The following PPP1CB variants were observed in gnomAD, a reference collection of about 807,000 sequenced individuals.
The protein encoded by PPP1CB is serine/threonine-protein phosphatase PP1-beta catalytic subunit.
A neutral mutation model predicts 43.7 loss-of-function variants in PPP1CB; 2 were observed. That is an observed-to-expected ratio of 0.05 (90% CI 0.02 to 0.14). PPP1CB has a LOEUF of 0.14. PPP1CB is among the 10% of genes least tolerant of loss of function. The pLI, the probability that PPP1CB is intolerant of heterozygous loss-of-function variation, is 1.00. For synonymous variants in PPP1CB, 136 were observed against 135.6 expected (o/e 1.00, Z -0.02); for missense variants, 84 against 398.0 (o/e 0.21, Z 6.71).
chr2:28,795,509 C>T (rs565869239), intron 7 of PPP1CB, among the ~76,000 whole-genome samples: 2 of 152,244 alleles, frequency 1.3e-5, no homozygotes, highest in East Asian at 3.9e-4. Context: ...TTATTAATGG[C>T]CATTCTGACT....
intron 5 of PPP1CB, 135 bp downstream of exon 5, chr2:28,784,113 A>T: frequency 1.7e-6 from 1 of 582,892 alleles, no homozygotes. Context: ...CCAGCTACAG[A>T]TTACTTTATT....
At chr2:28,755,138 C>T (rs1395960725) in intron 1 of PPP1CB, among the ~76,000 whole-genome samples, 1 of 151,976 alleles carries the variant, frequency 6.6e-6, no homozygotes, top group Non-Finnish European at 1.5e-5. Context: ...AACCTCTGCC[C>T]CTGCAGGTCC....
chr2:28,781,292 G>A (rs1667153756), intron 3 of PPP1CB, among the ~76,000 whole-genome samples: 1 of 151,942 alleles, frequency 6.6e-6, no homozygotes, highest in African/African-American at 2.4e-5. Flanking sequence ...TTGCAGAATG[G>A]TTAAATCCCG....
chr2:28,793,268 A>T (rs934936320), intron 6 of PPP1CB, among the ~76,000 whole-genome samples: 2 of 152,232 alleles, frequency 1.3e-5, no homozygotes, highest in Non-Finnish European at 2.9e-5. Flanking sequence ...AGCATGATCC[A>T]TGTAAATTAA....
intron 4 of PPP1CB, chr2:28,782,098 A>C (rs1667167074): frequency 4.8e-6 from 2 of 413,546 alleles, no homozygotes; most frequent in Non-Finnish European, 8.6e-6. Flanking sequence ...CCTTTGCCTC[A>C]AGTTTTAACA....
At chr2:28,781,018 T>C (rs1296099682) in intron 3 of PPP1CB, among the ~76,000 whole-genome samples, 1 of 152,140 alleles carries the variant, frequency 6.6e-6, no homozygotes, top group Non-Finnish European at 1.5e-5. Context: ...AGAGGCACCT[T>C]TTCACTTCTG....
intron 1 of PPP1CB, among the ~76,000 whole-genome samples, chr2:28,760,238 C>A (rs1322919238): frequency 1.3e-5 from 2 of 152,068 alleles, no homozygotes; most frequent in Non-Finnish European, 2.9e-5. Flanking sequence ...GTATGATATG[C>A]TTTTGTTTTA....
chr2:28,793,407 T>A (rs1667428541), intron 6 of PPP1CB, among the ~76,000 whole-genome samples: 1 of 152,188 alleles, frequency 6.6e-6, no homozygotes, highest in Non-Finnish European at 1.5e-5. Context: ...TGTCTGGTTG[T>A]TGCTCATTTA....
At chr2:28,798,311 G>T (rs1667538101) in intron 7 of PPP1CB, among the ~76,000 whole-genome samples, 1 of 152,038 alleles carries the variant, frequency 6.6e-6, no homozygotes. Flanking sequence ...TTAATGGTGG[G>T]AATAGAGTTC....
chr2:28,757,699 C>A (rs1320954765), intron 1 of PPP1CB, among the ~76,000 whole-genome samples: 1 of 152,070 alleles, frequency 6.6e-6, no homozygotes, highest in African/African-American at 2.4e-5. Context: ...GACATAAGGT[C>A]GTGGCATATT....
chr2:28,764,723 C>T lies in PPP1CB; in HGVS notation c.53-12128C>T, dbSNP rs566007707. Among the ~76,000 whole-genome samples, 91 of 151,776 alleles carry T rather than the reference C, an allele frequency of 6.0e-4. 1 individual carries two copies. In the South Asian group the frequency reaches 6.0e-3, roughly 10 times the overall value. ...AGTGGATCACTTGAGGTCAGGAGTTCGAGCCTGGGCACATGGCGAAACCCC... is the reference window on the plus strand; with the variant it reads ...AGTGGATCACTTGAGGTCAGGAGTTTGAGCCTGGGCACATGGCGAAACCCC... On this transcript the variant is annotated intron_variant, in intron 1 of 7. Transcript: ENST00000395366.
rs1667608755 is a variant in PPP1CB, at chr2:28,801,217, C to T, written c.*1914C>T. On this transcript the variant is annotated 3_prime_UTR_variant, in exon 8 of 8. Coordinates refer to ENST00000395366, the MANE Select transcript of PPP1CB (RefSeq NM_002709.3). Reference sequence around the variant, plus strand: ...TTATCTGAGGTGATTTAAATAACTTCCTGATTGGAGTGTGTAAGCTGAGCG... The same window carrying T: ...TTATCTGAGGTGATTTAAATAACTTTCTGATTGGAGTGTGTAAGCTGAGCG... 6.6e-6 allele frequency: 1 copy of T among 152,064 alleles called. No homozygotes were observed. The highest frequency in any genetic ancestry group is 2.4e-5 in the African/African-American group (1 of 41,434). 9.4% of individuals were successfully genotyped at this position (152,064 alleles called of 1,614,324 possible). A position where few individuals can be genotyped will look rare whatever the true frequency, so the allele number is the denominator to read the frequency against.
At chr2:28,780,097 TTTTTTTTTGAGACGGAGTCTCGCTC>T (rs1241999579) in intron 3 of PPP1CB, among the ~76,000 whole-genome samples, 1 of 132,608 alleles carries the variant, frequency 7.5e-6, no homozygotes. Flanking sequence ...TTTTTTTTTT[TTTTTTTTTGAGACGGAGTCTCGCTC>T]TTCTTGCCCA....
At chr2:28,759,192 G>A (rs535239546) in intron 1 of PPP1CB, among the ~76,000 whole-genome samples, 2 of 152,248 alleles carry the variant, frequency 1.3e-5, no homozygotes, top group Admixed American at 1.3e-4. Flanking sequence ...TGGTAGTGCT[G>A]GTGTAAACCT....
intron 6 of PPP1CB, among the ~76,000 whole-genome samples, chr2:28,789,186 T>C (rs964222762): frequency 6.6e-6 from 1 of 152,054 alleles, no homozygotes; most frequent in African/African-American, 2.4e-5. Flanking sequence ...TGTTAACCTT[T>C]TATCACCCTA....
intron 1 of PPP1CB, among the ~76,000 whole-genome samples, chr2:28,769,620 A>G (rs555260660): frequency 6.6e-6 from 1 of 152,372 alleles, no homozygotes; most frequent in East Asian, 1.9e-4. Flanking sequence ...AGAAATGAAC[A>G]ATGGTAAGGA....
chr2:28,770,478 A>C (rs1572452559), intron 1 of PPP1CB, among the ~76,000 whole-genome samples: 1 of 152,080 alleles, frequency 6.6e-6, no homozygotes, highest in African/African-American at 2.4e-5. Context: ...AAGCTCTAAA[A>C]CCAGAAATAA....
At chr2:28,754,930 G>A (rs963224827) in intron 1 of PPP1CB, among the ~76,000 whole-genome samples, 4 of 152,058 alleles carry the variant, frequency 2.6e-5, no homozygotes, top group Admixed American at 1.3e-4. Flanking sequence ...ATTCCTGATT[G>A]TTTTTTCTTT....
Position 28,783,904 on chromosome 2 carries a change from T to C in PPP1CB, c.521-3T>C, listed in dbSNP as rs1436540452. On this transcript the variant is annotated splice_region_variant and splice_polypyrimidine_tract_variant and intron_variant, in intron 4 of 7. Transcript: ENST00000395366. ...GTACTATGTCTCATCTTTTTATTTATAGGATTGTCACCAGACCTGCAATCT... is the reference window on the plus strand; with the variant it reads ...GTACTATGTCTCATCTTTTTATTTACAGGATTGTCACCAGACCTGCAATCT... 2 of 1,608,348 alleles carry C rather than the reference T, an allele frequency of 1.2e-6. No homozygotes were observed. The highest frequency in any genetic ancestry group is 8.5e-7 in the Non-Finnish European group (1 of 1,175,102).
Sources: gnomAD v4.1 joint callset for allele counts (sites outside exome capture counted in the v4.1 genomes callset) on GRCh38, gnomAD v4.1.1 for gene constraint, MANE v1.5 for transcripts, NCBI Gene and HGNC (gene_info 2026-07-23, HGNC 2026-07-21) for gene names.